NCKAP1: variants seen among roughly 807,000 people sequenced by gnomAD.
NCKAP1 encodes nck-associated protein 1.
Under a neutral mutation model 151.2 loss-of-function variants are expected in NCKAP1, and 21 were observed. That is an observed-to-expected ratio of 0.14 (90% CI 0.10 to 0.20). NCKAP1 has a LOEUF of 0.20. Ranked by LOEUF, NCKAP1 falls within the 10% of genes least tolerant of loss-of-function variation. The probability of loss-of-function intolerance (pLI) is 1.00; values close to 1 mark genes in which losing one functional copy is unlikely to be tolerated. For synonymous variants in NCKAP1, 484 were observed against 451.8 expected (o/e 1.07, Z -0.90); for missense variants, 933 against 1,352.1 (o/e 0.69, Z 4.86).
At chr2:182,992,758 A>C (rs1698194015) in intron 8 of NCKAP1, among the ~76,000 whole-genome samples, 4 of 152,182 alleles carry the variant, frequency 2.6e-5, no homozygotes, top group Non-Finnish European at 5.9e-5. Flanking sequence ...CTAAAAACAC[A>C]CTACTCAAAG....
chr2:183,000,791 T>C (rs1273720002), intron 6 of NCKAP1, among the ~76,000 whole-genome samples: 3 of 152,132 alleles, frequency 2.0e-5, no homozygotes, highest in Non-Finnish European at 2.9e-5. Context: ...GTTAACTGTA[T>C]GCCAAGAAAA....
intron 15 of NCKAP1, among the ~76,000 whole-genome samples, chr2:182,975,988 T>C (rs1245516943): frequency 6.6e-6 from 1 of 152,198 alleles, no homozygotes; most frequent in Non-Finnish European, 1.5e-5. Flanking sequence ...CTAATTTACT[T>C]GTTTGAACAT....
intron 22 of NCKAP1, 51 bp downstream of exon 22, chr2:182,952,741 CA>C (rs1456668196): frequency 3.2e-5 from 47 of 1,491,104 alleles, no homozygotes; most frequent in Non-Finnish European, 1.2e-5. Flanking sequence ...AAGACACTAG[CA>C]AAAGAATTAA....
intron 24 of NCKAP1, among the ~76,000 whole-genome samples, chr2:182,937,666 TA>T (rs943725391): frequency 4.7e-5 from 7 of 150,008 alleles, no homozygotes; most frequent in South Asian, 2.1e-4. Flanking sequence ...TGACCCAAAT[TA>T]AAAAAAAAAT....
At chr2:182,946,337 T>C (rs1697104139) in intron 23 of NCKAP1, among the ~76,000 whole-genome samples, 1 of 152,006 alleles carries the variant, frequency 6.6e-6, no homozygotes, top group Non-Finnish European at 1.5e-5. Flanking sequence ...GAGGCAGAGC[T>C]TGCAGTGAGC....
Position 182,909,446 on chromosome 2 carries a change from A to G in NCKAP1, c.*16256T>C, listed in dbSNP as rs539298827. The G allele has an allele frequency of 3.3e-5, 5 of 152,320 alleles. No individual in the cohort carries two copies. The highest frequency in any genetic ancestry group is 4.1e-4 in the South Asian group (2 of 4,828). The allele number at this position is 152,320 out of a possible 1,614,324, so 9.4% of individuals were successfully genotyped here. A position where few individuals can be genotyped will look rare whatever the true frequency, so the allele number is the denominator to read the frequency against. ...TACCTAATATAAGAGGAATTATACA[A>G]TATCTGTTCTTTTGTGGCTGGCTTA... On this transcript the variant is annotated 3_prime_UTR_variant, in exon 31 of 31. Transcript: ENST00000361354.
In NCKAP1 at chr2:182,982,930, G is replaced by A. The variant is rs1697970248; in HGVS notation, c.1102-3C>T. 2 of 1,579,824 alleles carry A rather than the reference G, an allele frequency of 1.3e-6. No homozygotes were observed. The highest frequency in any genetic ancestry group is 1.9e-5 in the Admixed American group (1 of 53,180). On this transcript the variant is annotated splice_polypyrimidine_tract_variant and splice_region_variant and intron_variant, in intron 11 of 30. Transcript: ENST00000361354. ...AATGCCATAAAAACAAAAAGTGCCT[G>A]TTTAAAAAAAAGTAAGTGTTTATTC...
chr2:182,930,640 A>G lies in NCKAP1; in HGVS notation c.2953+55T>C. On this transcript the variant is annotated intron_variant, in intron 27 of 30. Transcript: ENST00000361354. ...ATGGTTAAATATCATACCTATACCT[A>G]TGCTGCCCTGGTAACTTTAACTAAG... The G allele has an allele frequency of 5.1e-6, 7 of 1,369,648 alleles. No homozygotes were observed. In the South Asian group the frequency reaches 8.2e-5, roughly 16 times the overall value. 84.8% of individuals were successfully genotyped at this position (1,369,648 alleles called of 1,614,324 possible).
chr2:182,916,402 G>A lies in NCKAP1; in HGVS notation c.*9300C>T, dbSNP rs1696469652. The stretch of plus-strand genomic sequence containing the variant: ...AAAGTAAGATTCTGAGAGTTACACA[G>A]GGTAGGAAATTTGACTAAACAGACA... On this transcript the variant is annotated 3_prime_UTR_variant, in exon 31 of 31. Transcript: ENST00000361354. 6.6e-6 allele frequency: 1 copy of A among 152,146 alleles called. No homozygotes were observed. The highest frequency in any genetic ancestry group is 2.4e-5 in the African/African-American group (1 of 41,436). 9.4% of individuals were successfully genotyped at this position (152,146 alleles called of 1,614,324 possible). A position where few individuals can be genotyped will look rare whatever the true frequency, so the allele number is the denominator to read the frequency against.
At position 182,918,198 on chromosome 2, in the gene NCKAP1, GA is replaced by G. The variant is rs1403112824; in HGVS notation, c.*7503del. 6.6e-6 allele frequency: 1 copy of G among 152,164 alleles called. No homozygotes were observed. The highest frequency in any genetic ancestry group is 1.5e-5 in the Non-Finnish European group (1 of 68,024). 9.4% of individuals were successfully genotyped at this position (152,164 alleles called of 1,614,324 possible). A position where few individuals can be genotyped will look rare whatever the true frequency, so the allele number is the denominator to read the frequency against. ...AGTAATTTGGTTGTGGAGTTTAAAT[GA>G]AGTAATGGATATGAAAATGTCTAGT... On this transcript the variant is annotated 3_prime_UTR_variant, in exon 31 of 31. Coordinates refer to ENST00000361354, the MANE Select transcript of NCKAP1 (RefSeq NM_013436.5).
rs1696385821 is a variant in NCKAP1, at chr2:182,911,052, A to C, written c.*14650T>G. Reference sequence around the variant, plus strand: ...GCCATGATGGGATGGGAGGTTGGGCACATCTCATTATACCCCCTCCTCACT... The same window carrying C: ...GCCATGATGGGATGGGAGGTTGGGCCCATCTCATTATACCCCCTCCTCACT... On this transcript the variant is annotated 3_prime_UTR_variant, in exon 31 of 31. Coordinates refer to ENST00000361354, the MANE Select transcript of NCKAP1 (RefSeq NM_013436.5). 5 of 146,708 alleles carry C rather than the reference A, an allele frequency of 3.4e-5. No individual in the cohort carries two copies. In the Admixed American group the frequency reaches 3.5e-4, roughly 10 times the overall value. 9.1% of individuals were successfully genotyped at this position (146,708 alleles called of 1,614,324 possible).
At chr2:182,979,256 G>A (rs936222599) in intron 13 of NCKAP1, among the ~76,000 whole-genome samples, 2 of 152,028 alleles carry the variant, frequency 1.3e-5, no homozygotes, top group African/African-American at 2.4e-5. Flanking sequence ...TGTACCATAA[G>A]GGTGTATAAG....
intron 8 of NCKAP1, among the ~76,000 whole-genome samples, chr2:182,993,362 G>T (rs1698204931): frequency 6.6e-6 from 1 of 152,102 alleles, no homozygotes; most frequent in South Asian, 2.1e-4. Context: ...GATATAAAGG[G>T]CCAACTCTAT....
In NCKAP1 at chr2:183,038,417, T is replaced by TGGCGGC. The variant is rs879318735; in HGVS notation, c.-324_-319dup. The TGGCGGC allele has an allele frequency of 1.1e-3, 230 of 206,416 alleles. 3 individuals are homozygous for TGGCGGC. Among genetic ancestry groups the TGGCGGC allele is most frequent in the African/African-American group, 2.3e-3 (99 of 42,670 alleles). The allele number at this position is 206,416 out of a possible 1,614,324, so 12.8% of individuals were successfully genotyped here. A position where few individuals can be genotyped will look rare whatever the true frequency, so the allele number is the denominator to read the frequency against. ...CCTTCCCCGGCTGCTCCACTAGGTG[T>TGGCGGC]GGCGGCGGCGGCGGCGGCGGCGGCG... On this transcript the variant is annotated 5_prime_UTR_variant, in exon 1 of 31. Coordinates refer to ENST00000361354, the MANE Select transcript of NCKAP1 (RefSeq NM_013436.5).
intron 24 of NCKAP1, among the ~76,000 whole-genome samples, chr2:182,940,709 G>T (rs867637808): frequency 6.6e-6 from 1 of 152,220 alleles, no homozygotes; most frequent in South Asian, 2.1e-4. Flanking sequence ...AATGTGCTGG[G>T]ATTACAGGCC....
Position 182,911,417 on chromosome 2 carries a change from T to C in NCKAP1, c.*14285A>G, listed in dbSNP as rs1324893819. On this transcript the variant is annotated 3_prime_UTR_variant, in exon 31 of 31. Coordinates refer to ENST00000361354, the MANE Select transcript of NCKAP1 (RefSeq NM_013436.5). ...TTAATTCACAAAACAGCCTATACTA[T>C]ATGAATAAGACCAAAAAATGGCCAT... The C allele has an allele frequency of 6.6e-6, 1 of 152,190 alleles. No homozygotes were observed. Among genetic ancestry groups the C allele is most frequent in the Non-Finnish European group, 1.5e-5 (1 of 68,038 alleles). The allele number at this position is 152,190 out of a possible 1,614,324, so 9.4% of individuals were successfully genotyped here. A position where few individuals can be genotyped will look rare whatever the true frequency, so the allele number is the denominator to read the frequency against.
At position 182,923,859 on chromosome 2, in the gene NCKAP1, A is replaced by G. The variant is rs1696590559; in HGVS notation, c.*1843T>C. The G allele has an allele frequency of 6.6e-6, 1 of 152,196 alleles. No individual in the cohort carries two copies. The highest frequency in any genetic ancestry group is 1.5e-5 in the Non-Finnish European group (1 of 68,036). The allele number at this position is 152,196 out of a possible 1,614,324, so 9.4% of individuals were successfully genotyped here. ...TTGCTGTATGAGAAAAAATTTGGACAAAAACTTCAGGTGACTATGAGGAGC... is the reference window on the plus strand; with the variant it reads ...TTGCTGTATGAGAAAAAATTTGGACGAAAACTTCAGGTGACTATGAGGAGC... On this transcript the variant is annotated 3_prime_UTR_variant, in exon 31 of 31. Coordinates refer to ENST00000361354, the MANE Select transcript of NCKAP1 (RefSeq NM_013436.5).
intron 8 of NCKAP1, among the ~76,000 whole-genome samples, 190 bp downstream of exon 8, chr2:182,994,649 G>GA (rs1432344099): frequency 9.4e-5 from 14 of 148,628 alleles, no homozygotes; most frequent in South Asian, 6.4e-4. Flanking sequence ...AAAAAAAAAA[G>GA]AAAAAAAAGA....
intron 2 of NCKAP1, among the ~76,000 whole-genome samples, chr2:183,022,688 A>T (rs889872239): frequency 5.3e-5 from 8 of 152,092 alleles, no homozygotes; most frequent in African/African-American, 7.2e-5. Flanking sequence ...GATTTTGTTT[A>T]AAAAAATGCC....
Sources: allele counts gnomAD v4.1 joint callset (sites outside exome capture counted in the v4.1 genomes callset), GRCh38; gene constraint gnomAD v4.1.1; transcripts MANE v1.5; gene names NCBI Gene and HGNC (gene_info 2026-07-23, HGNC 2026-07-21).